MLLT10: variants seen among roughly 807,000 people sequenced by gnomAD.
MLLT10 encodes MLLT10 histone lysine methyltransferase DOT1L cofactor.
MLLT10 carries 30 observed loss-of-function variants against 129.1 expected under a neutral mutation model. The ratio of observed to expected loss-of-function variants is 0.23; its 90% CI spans 0.17 to 0.32. The LOEUF is 0.32. Ranked by LOEUF, MLLT10 falls within the 10% of genes least tolerant of loss-of-function variation. The pLI is 1.00. For synonymous variants in MLLT10, 490 were observed against 446.4 expected (o/e 1.10, Z -1.23); for missense variants, 1,119 against 1,268.3 (o/e 0.88, Z 1.79).
At chr10:21,722,164 G>GACAGT in intron 14 of MLLT10, among the ~76,000 whole-genome samples, 1 of 152,116 alleles carries the variant, frequency 6.6e-6, no homozygotes, top group African/African-American at 2.4e-5. Flanking sequence ...AAGTTACAAG[G>GACAGT]ACAGTACAGA....
Position 21,670,504 on chromosome 10 carries a change from A to G in MLLT10, c.851A>G (p.Asp284Gly). The change falls in exon 10 of 23, where the codon GAT becomes GGT. Residue 284 changes from aspartate (D) to glycine (G), a missense_variant. Coordinates refer to ENST00000307729, the MANE Select transcript of MLLT10 (RefSeq NM_001195626.3). ...TCTGGATCATTGAAGCGCTTGGAAG[A>G]TACTACTGCACGATTTACAAATGCA... ...SISGSLKRLE[D>G]TTARFTNANF... 5.0e-6 allele frequency: 8 copies of G among 1,614,166 alleles called. No homozygotes were observed. Among genetic ancestry groups the G allele is most frequent in the Non-Finnish European group, 6.8e-6 (8 of 1,180,016 alleles).
At chr10:21,572,488 T>C (rs372453418) in intron 3 of MLLT10, among the ~76,000 whole-genome samples, 2 of 152,232 alleles carry the variant, frequency 1.3e-5, no homozygotes, top group East Asian at 1.9e-4. Flanking sequence ...ACTGACATCT[T>C]AACAACGATT....
chr10:21,614,790 A>G (rs763915497), intron 6 of MLLT10, 41 bp from the exon 7 acceptor site: 1 of 1,525,052 alleles, frequency 6.6e-7, no homozygotes. Context: ...AGGTACTGTG[A>G]TTTTAGTATA....
chr10:21,696,654 G>A (rs1359539729), intron 13 of MLLT10, among the ~76,000 whole-genome samples: 1 of 152,136 alleles, frequency 6.6e-6, no homozygotes, highest in African/African-American at 2.4e-5. Flanking sequence ...TGCTTAGCAT[G>A]TGTGTCCAAC....
chr10:21,742,056 T>C lies in MLLT10; in HGVS notation c.*73T>C. 1 of 1,359,496 alleles carries C rather than the reference T, an allele frequency of 7.4e-7. No homozygotes were observed. Among genetic ancestry groups the C allele is most frequent in the Non-Finnish European group, 1.0e-6 (1 of 959,854 alleles). The allele number at this position is 1,359,496 out of a possible 1,614,324, so 84.2% of individuals were successfully genotyped here. A position where few individuals can be genotyped will look rare whatever the true frequency, so the allele number is the denominator to read the frequency against. On this transcript the variant is annotated 3_prime_UTR_variant, in exon 23 of 23. Transcript: ENST00000307729. ...CATCTGGCTGCCTTTGCAGTCCTTT[T>C]ACTACAGCTATGAAGAAACGCAACA... is the stretch of plus-strand genomic sequence containing the variant.
chr10:21,567,359 G>T (rs2039698383), intron 3 of MLLT10, among the ~76,000 whole-genome samples: 1 of 152,068 alleles, frequency 6.6e-6, no homozygotes, highest in South Asian at 2.1e-4. Flanking sequence ...GGGAGTTGTG[G>T]CTCTCTACCT....
chr10:21,722,911 T>C (rs2057234368), intron 14 of MLLT10, among the ~76,000 whole-genome samples: 1 of 152,186 alleles, frequency 6.6e-6, no homozygotes, highest in East Asian at 1.9e-4. Context: ...GAAATTAATA[T>C]GGAATGTAGT....
chr10:21,599,100 C>A (rs931756786), intron 5 of MLLT10, among the ~76,000 whole-genome samples: 1 of 151,830 alleles, frequency 6.6e-6, no homozygotes, highest in Non-Finnish European at 1.5e-5. Context: ...ATTGCTTGAA[C>A]CTGGAAAGCG....
chr10:21,641,356 C>T (rs377724751), intron 8 of MLLT10, among the ~76,000 whole-genome samples: 41 of 152,084 alleles, frequency 2.7e-4, no homozygotes, highest in African/African-American at 8.9e-4. Flanking sequence ...TGCATAGAGA[C>T]ATAGATACAT....
intron 5 of MLLT10, among the ~76,000 whole-genome samples, chr10:21,599,206 G>A (rs1451725818): frequency 6.6e-6 from 1 of 150,600 alleles, no homozygotes; most frequent in Non-Finnish European, 1.5e-5. Context: ...GCTGGGCATG[G>A]TAGTGGACGC....
At chr10:21,572,391 CTAA>C (rs2040301569) in intron 3 of MLLT10, among the ~76,000 whole-genome samples, 1 of 152,094 alleles carries the variant, frequency 6.6e-6, no homozygotes, top group Non-Finnish European at 1.5e-5. Context: ...CATATAAATT[CTAA>C]TAATCTCTTT....
intron 3 of MLLT10, among the ~76,000 whole-genome samples, chr10:21,564,215 C>A (rs1039597673): frequency 6.6e-6 from 1 of 152,094 alleles, no homozygotes; most frequent in African/African-American, 2.4e-5. Flanking sequence ...CTCCGCGTAG[C>A]TGGGACTATG....
At chr10:21,704,332 T>C (rs1033165865) in intron 13 of MLLT10, among the ~76,000 whole-genome samples, 27 of 57,992 alleles carry the variant, frequency 4.7e-4, no homozygotes, top group African/African-American at 1.6e-3. Flanking sequence ...TTTTAAATTC[T>C]CTCTCTCTCT....
At chr10:21,704,349 CTCTCTCTCTATA>C (rs1200331447) in intron 13 of MLLT10, among the ~76,000 whole-genome samples, 10 of 61,838 alleles carry the variant, frequency 1.6e-4, no homozygotes, top group Non-Finnish European at 2.0e-4. Context: ...CTCTCTCTCT[CTCTCTCTCTATA>C]TATATATATA....
chr10:21,625,869 A>T (rs542890860), intron 8 of MLLT10: 8 of 779,770 alleles, frequency 1.0e-5, no homozygotes, highest in African/African-American at 6.8e-5. Flanking sequence ...CGTAGATCCC[A>T]AATGGGACTG....
chr10:21,610,326 T>C (rs2044475274), intron 5 of MLLT10, among the ~76,000 whole-genome samples: 3 of 152,178 alleles, frequency 2.0e-5, no homozygotes, highest in South Asian at 4.1e-4. Flanking sequence ...AGGGTAAAAC[T>C]ATAGTCCTAG....
intron 3 of MLLT10, among the ~76,000 whole-genome samples, chr10:21,554,081 C>A (rs1323281241): frequency 6.6e-6 from 1 of 152,106 alleles, no homozygotes; most frequent in Admixed American, 6.6e-5. Flanking sequence ...ACACAGTGGT[C>A]CTTTTGATTT....
rs2058078860 is a variant in MLLT10 at position 21,732,942 on chromosome 10, C to T, written c.2262C>T (p.Asn754=). 6.2e-7 allele frequency: 1 copy of T among 1,613,662 alleles called. No individual in the cohort carries two copies. The highest frequency in any genetic ancestry group is 8.5e-7 in the Non-Finnish European group (1 of 1,179,908). ...LKSLHQLQVE[N]RRLEEQIKNL... is the part of the protein sequence containing the mutation. ...CATTACACCAACTTCAAGTTGAAAA[C>T]CGAAGATTAGAGGAACAAATTAAAA... The change falls in exon 18 of 23, where the codon AAC becomes AAT. Residue 754 remains asparagine, a synonymous_variant. Transcript: ENST00000307729.
chr10:21,705,073 G>A (rs1296017668), intron 13 of MLLT10, among the ~76,000 whole-genome samples: 8 of 152,172 alleles, frequency 5.3e-5, no homozygotes, highest in African/African-American at 1.9e-4. Flanking sequence ...AGTAGTGGTA[G>A]CAGTTGGCTC....
Sources: gnomAD v4.1 joint callset for allele counts (sites outside exome capture counted in the v4.1 genomes callset) on GRCh38, gnomAD v4.1.1 for gene constraint, MANE v1.5 for transcripts, NCBI Gene and HGNC (gene_info 2026-07-23, HGNC 2026-07-21) for gene names.